Variants in CDK14 observed in about 807,000 individuals in gnomAD.
The protein encoded by CDK14 is cyclin dependent kinase 14.
Under a neutral mutation model 60.7 loss-of-function variants are expected in CDK14, and 34 were observed. The ratio of observed to expected loss-of-function variants is 0.56; its 90% CI spans 0.43 to 0.75. The LOEUF (loss-of-function observed/expected upper bound fraction) is 0.75. Among genes scored for constraint, CDK14 ranks in the 30% least tolerant of loss-of-function variants. The pLI, the probability that CDK14 is intolerant of heterozygous loss-of-function variation, is 0.00. For missense variants in CDK14, 482 were observed against 564.1 expected (o/e 0.85, Z 1.47); for synonymous variants, 197 against 203.7 (o/e 0.97, Z 0.28).
rs9649159 is a variant in CDK14 at position 91,183,623 on chromosome 7, G to A, written c.*29-23542G>A. Among the ~76,000 whole-genome samples the A allele has an allele frequency of 6.6e-5, 10 of 151,970 alleles. No homozygotes were observed. The East Asian group carries it at 1.9e-3, about 29-fold the overall frequency. The stretch of plus-strand genomic sequence containing the variant: ...TATGACTACAGGCTCTCCTTCATTC[G>A]CTTCCCTTCTACATTGAATGGTGAC... On this transcript the variant is annotated intron_variant, in intron 14 of 14. Coordinates refer to ENST00000380050, the MANE Select transcript of CDK14 (RefSeq NM_001287135.2).
intron 2 of CDK14, among the ~76,000 whole-genome samples, chr7:90,724,456 TTCTTA>T (rs1330634849): frequency 2.6e-5 from 4 of 151,726 alleles, no homozygotes; most frequent in Non-Finnish European, 5.9e-5. Flanking sequence ...TATTTCACTC[TTCTTA>T]TCTTGGTTTT....
intron 2 of CDK14, among the ~76,000 whole-genome samples, chr7:90,605,963 C>A (rs17874794): frequency 4.6e-5 from 7 of 152,180 alleles, no homozygotes; most frequent in Admixed American, 4.6e-4. Context: ...TAACTACTCC[C>A]TCTCTCTGTT....
At chr7:90,826,610 G>C (rs1789731678) in intron 5 of CDK14, among the ~76,000 whole-genome samples, 1 of 152,084 alleles carries the variant, frequency 6.6e-6, no homozygotes, top group East Asian at 1.9e-4. Context: ...GGTTGGGGGA[G>C]TTTTTTGTTT....
chr7:91,139,181 G>T (rs1036097137), intron 14 of CDK14, among the ~76,000 whole-genome samples: 1 of 152,038 alleles, frequency 6.6e-6, no homozygotes, highest in African/African-American at 2.4e-5. Context: ...TTAATCTATA[G>T]AATTATTTTA....
chr7:90,926,514 G>A (rs967893597), intron 8 of CDK14, among the ~76,000 whole-genome samples: 1 of 152,132 alleles, frequency 6.6e-6, no homozygotes, highest in Admixed American at 6.5e-5. Flanking sequence ...TTCCTGTTAG[G>A]GCTCCGCAGT....
chr7:90,885,538 C>T (rs1273990114), intron 6 of CDK14, among the ~76,000 whole-genome samples: 1 of 152,172 alleles, frequency 6.6e-6, no homozygotes, highest in African/African-American at 2.4e-5. Flanking sequence ...CCAGAAGTAC[C>T]ATTTGACTCA....
At chr7:90,625,835 T>C (rs1365445237) in intron 2 of CDK14, among the ~76,000 whole-genome samples, 1 of 152,212 alleles carries the variant, frequency 6.6e-6, no homozygotes, top group Non-Finnish European at 1.5e-5. Context: ...CTACTTTGCT[T>C]TTCTTCGTAC....
rs541541526 is a variant in CDK14 at position 90,727,096 on chromosome 7, T to C, written c.369+284T>C. On this transcript the variant is annotated intron_variant, in intron 3 of 14. Coordinates refer to ENST00000380050, the MANE Select transcript of CDK14 (RefSeq NM_001287135.2). ...GAGGAATTTATAATTAAAAGTCTTT[T>C]GTATTTCAAACCCTTGGAGAGGTTA... Among the ~76,000 whole-genome samples, 3 of 152,358 alleles carry C rather than the reference T, an allele frequency of 2.0e-5. No homozygotes were observed. In the South Asian group the frequency reaches 6.2e-4, roughly 32 times the overall value.
At chr7:90,629,458 C>CA (rs1799946650) in intron 2 of CDK14, among the ~76,000 whole-genome samples, 1 of 152,138 alleles carries the variant, frequency 6.6e-6, no homozygotes, top group Admixed American at 6.6e-5. Context: ...TGTCCCTAGT[C>CA]AATACTTTTA....
chr7:90,652,404 C>T (rs1366721755), intron 2 of CDK14, among the ~76,000 whole-genome samples: 2 of 152,054 alleles, frequency 1.3e-5, no homozygotes, highest in Non-Finnish European at 2.9e-5. Flanking sequence ...AAATTCGTTA[C>T]GCCTTTCTAC....
intron 2 of CDK14, among the ~76,000 whole-genome samples, chr7:90,694,602 T>A (rs2116595649): frequency 6.6e-6 from 1 of 152,326 alleles, no homozygotes; most frequent in South Asian, 2.1e-4. Flanking sequence ...CTAATTAAAA[T>A]AACTATAATT....
intron 10 of CDK14, among the ~76,000 whole-genome samples, chr7:91,011,091 A>G (rs900554830): frequency 1.3e-5 from 2 of 151,706 alleles, no homozygotes; most frequent in Admixed American, 6.6e-5. Flanking sequence ...TTTGCAGACA[A>G]TTTTTATCGG....
intron 4 of CDK14, among the ~76,000 whole-genome samples, chr7:90,754,636 T>C (rs1218100606): frequency 2.0e-5 from 3 of 152,170 alleles, no homozygotes; most frequent in Admixed American, 1.3e-4. Context: ...AAGTGGGACC[T>C]AATTGAAGAG....
chr7:90,822,403 A>G (rs976332300), intron 5 of CDK14, among the ~76,000 whole-genome samples: 1 of 152,198 alleles, frequency 6.6e-6, no homozygotes, highest in African/African-American at 2.4e-5. Context: ...AAGAGCATGA[A>G]TTAACAGCTG....
At chr7:90,605,744 G>A (rs367583235) in intron 2 of CDK14, among the ~76,000 whole-genome samples, 1 of 151,998 alleles carries the variant, frequency 6.6e-6, no homozygotes, top group Non-Finnish European at 1.5e-5. Context: ...TTCTTTCTCC[G>A]TGTTTTAAAA....
chr7:90,792,665 G>C (rs1805881041), intron 5 of CDK14, among the ~76,000 whole-genome samples: 1 of 152,052 alleles, frequency 6.6e-6, no homozygotes, highest in African/African-American at 2.4e-5. Context: ...GCCACCCCTA[G>C]TCCAGGATAC....
intron 14 of CDK14, among the ~76,000 whole-genome samples, chr7:91,126,518 C>T (rs1218296951): frequency 2.6e-5 from 4 of 152,128 alleles, no homozygotes; most frequent in African/African-American, 9.7e-5. Context: ...ATTAATTCTG[C>T]AAAGGATGCT....
At chr7:90,777,461 A>G (rs937877706) in intron 4 of CDK14, among the ~76,000 whole-genome samples, 5 of 152,266 alleles carry the variant, frequency 3.3e-5, no homozygotes, top group South Asian at 4.1e-4. Flanking sequence ...GTTTAACACA[A>G]TGATTTTCAG....
chr7:91,110,321 T>C (rs1799435646), intron 12 of CDK14, among the ~76,000 whole-genome samples: 1 of 152,202 alleles, frequency 6.6e-6, no homozygotes, highest in South Asian at 2.1e-4. Context: ...TGGGACTATC[T>C]TATATTGATG....
Sources: gnomAD v4.1 joint callset for allele counts (sites outside exome capture counted in the v4.1 genomes callset) on GRCh38, gnomAD v4.1.1 for gene constraint, MANE v1.5 for transcripts, NCBI Gene and HGNC (gene_info 2026-07-23, HGNC 2026-07-21) for gene names.